The following COPA variants were observed in gnomAD, a reference collection of about 807,000 sequenced individuals.
COPA encodes the protein coatomer subunit alpha.
A neutral mutation model predicts 158.7 loss-of-function variants in COPA; 10 were observed. The ratio of observed to expected loss-of-function variants is 0.06; its 90% CI spans 0.04 to 0.11. COPA has a LOEUF of 0.11. Ranked by LOEUF, COPA falls within the 10% of genes least tolerant of loss-of-function variation. The pLI, the probability that COPA is intolerant of heterozygous loss-of-function variation, is 1.00. For synonymous variants in COPA, 462 were observed against 542.8 expected, an observed-to-expected ratio of 0.85 and a Z score of 2.07; for missense variants, 1,065 against 1,536.7, an observed-to-expected ratio of 0.69 and a Z score of 5.13.
chr1:160,339,876 C>A, intron 3 of COPA, 33 bp downstream of exon 3: 1 of 1,590,682 alleles, frequency 6.3e-7, no homozygotes, highest in Non-Finnish European at 8.6e-7. Flanking sequence ...CATCCTCTTT[C>A]CTTTATTCTC....
chr1:160,297,213 A>G, intron 21 of COPA, 130 bp downstream of exon 21: 1 of 787,116 alleles, frequency 1.3e-6, no homozygotes, highest in South Asian at 1.7e-5. Flanking sequence ...GCACAGTAGG[A>G]GCATGTTGTC....
chr1:160,299,437 CGATGG>C (rs530145337), intron 17 of COPA, among the ~76,000 whole-genome samples, 173 bp from the exon 18 acceptor site: 45 of 152,260 alleles, frequency 3.0e-4, no homozygotes, highest in Admixed American at 1.6e-3. Context: ...ATTCTTTCTA[CGATGG>C]GGTAGATGGC....
rs923860003 is a variant in COPA at position 160,297,448 on chromosome 1, G to GT, written c.2168-11dup. 6.2e-7 allele frequency: 1 copy of GT among 1,613,742 alleles called. No homozygotes were observed. Among genetic ancestry groups the GT allele is most frequent in the Non-Finnish European group, 8.5e-7 (1 of 1,179,836 alleles). The stretch of plus-strand genomic sequence containing the variant: ...TCCTTTCTGATCTCAGCTGCACCAA[G>GT]TAAGAGACACCAAGTTAGGTCTTTT... On this transcript the variant is annotated splice_polypyrimidine_tract_variant and intron_variant, in intron 20 of 32. Transcript: ENST00000241704.
intron 3 of COPA, among the ~76,000 whole-genome samples, chr1:160,335,634 A>AG (rs1426142988): frequency 3.9e-5 from 6 of 152,138 alleles, no homozygotes; most frequent in Non-Finnish European, 8.8e-5. Context: ...CTGTAATCCC[A>AG]GCACTTTGGG....
intron 11 of COPA, among the ~76,000 whole-genome samples, chr1:160,311,377 G>A (rs1658961453): frequency 6.6e-6 from 1 of 151,950 alleles, no homozygotes; most frequent in Non-Finnish European, 1.5e-5. Context: ...GGTGGAGGTT[G>A]CAGTGAGCTG....
intron 7 of COPA, among the ~76,000 whole-genome samples, 161 bp from the exon 8 acceptor site, chr1:160,323,691 A>G (rs1018068080): frequency 3.3e-5 from 5 of 152,172 alleles, no homozygotes; most frequent in Non-Finnish European, 7.3e-5. Context: ...CAGAATTACC[A>G]TGTCTGTCCT....
chr1:160,318,011 G>T (rs1659203566), intron 8 of COPA, among the ~76,000 whole-genome samples: 1 of 152,168 alleles, frequency 6.6e-6, no homozygotes, highest in Non-Finnish European at 1.5e-5. Flanking sequence ...ATTGACCAAT[G>T]CAAGCGTTCA....
At chr1:160,318,196 C>T (rs973493454) in intron 8 of COPA, among the ~76,000 whole-genome samples, 2 of 151,994 alleles carry the variant, frequency 1.3e-5, no homozygotes, top group African/African-American at 2.4e-5. Flanking sequence ...AGAGGAATAT[C>T]GGGTTGAAGT....
intron 1 of COPA, 61 bp from the exon 2 acceptor site, chr1:160,340,355 A>G: frequency 9.5e-7 from 1 of 1,048,236 alleles, no homozygotes; most frequent in Non-Finnish European, 1.5e-6. Context: ...ACCTTCTGTC[A>G]ATTCTGATAA....
intron 5 of COPA, 81 bp downstream of exon 5, chr1:160,333,522 G>A (rs1647625356): frequency 5.1e-6 from 5 of 980,102 alleles, no homozygotes; most frequent in South Asian, 4.6e-5. Flanking sequence ...TGAGAAGGGA[G>A]AAGATTGTTC....
At chr1:160,294,089 C>T (rs1396413420) in intron 25 of COPA, among the ~76,000 whole-genome samples, 1 of 152,206 alleles carries the variant, frequency 6.6e-6, no homozygotes, top group East Asian at 1.9e-4. Flanking sequence ...ACATCCTCTC[C>T]TCTTGGAGCA....
chr1:160,314,916 C>G (rs1659085479), intron 8 of COPA, among the ~76,000 whole-genome samples: 1 of 151,984 alleles, frequency 6.6e-6, no homozygotes, highest in Admixed American at 6.5e-5. Context: ...TGTTCATACT[C>G]CTCAAAATAA....
rs147651374 is a variant in COPA at position 160,337,042 on chromosome 1, TATAA to T, written c.229-1724_229-1721del. Among the ~76,000 whole-genome samples the T allele has an allele frequency of 9.1e-4, 139 of 152,340 alleles. 1 individual carries two copies. Among genetic ancestry groups the T allele is most frequent in the African/African-American group, 3.2e-3 (134 of 41,582 alleles). On this transcript the variant is annotated intron_variant, in intron 3 of 32. Transcript: ENST00000241704. ...GCCTCTATCTATTCAATCAGCTACA[TATAA>T]ATACACATGTACACAGTAGAGTTTC...
intron 23 of COPA, 120 bp from the exon 24 acceptor site, chr1:160,294,977 T>C (rs1445641006): frequency 1.4e-6 from 1 of 719,974 alleles, no homozygotes; most frequent in African/African-American, 1.8e-5. Flanking sequence ...CTACTTACTA[T>C]TTATTTTTGT....
At chr1:160,299,466 G>A (rs543544220) in intron 17 of COPA, among the ~76,000 whole-genome samples, 24 of 152,274 alleles carry the variant, frequency 1.6e-4, no homozygotes, top group African/African-American at 5.1e-4. Flanking sequence ...ATCTTTATAT[G>A]CTATTATCCT....
intron 17 of COPA, among the ~76,000 whole-genome samples, chr1:160,302,790 G>A (rs1658656843): frequency 1.3e-5 from 2 of 151,698 alleles, no homozygotes; most frequent in Non-Finnish European, 2.9e-5. Context: ...TCCTGACCTC[G>A]TGATCCACCC....
At chr1:160,327,880 G>A (rs1647331372) in intron 6 of COPA, among the ~76,000 whole-genome samples, 1 of 152,120 alleles carries the variant, frequency 6.6e-6, no homozygotes, top group South Asian at 2.1e-4. Context: ...GAAAACCTAA[G>A]TCATTTTAAG....
intron 8 of COPA, 78 bp from the exon 9 acceptor site, chr1:160,314,203 C>A: frequency 6.8e-7 from 1 of 1,466,724 alleles, no homozygotes; most frequent in Non-Finnish European, 9.2e-7. Context: ...ACATCCTCTT[C>A]ATCAAGAACT....
At chr1:160,318,223 G>A (rs1426633363) in intron 8 of COPA, among the ~76,000 whole-genome samples, 5 of 152,020 alleles carry the variant, frequency 3.3e-5, no homozygotes, top group Non-Finnish European at 7.4e-5. Flanking sequence ...AACTGATAAG[G>A]AGAGAGTAAT....
Sources: gnomAD v4.1 joint callset for allele counts (sites outside exome capture counted in the v4.1 genomes callset) on GRCh38, gnomAD v4.1.1 for gene constraint, MANE v1.5 for transcripts, NCBI Gene and HGNC (gene_info 2026-07-23, HGNC 2026-07-21) for gene names.